CLASP1: variants seen among roughly 807,000 people sequenced by gnomAD.
CLASP1 encodes the protein cytoplasmic linker associated protein 1.
A neutral mutation model predicts 192.3 loss-of-function variants in CLASP1; 38 were observed. That is an observed-to-expected ratio of 0.20 (90% CI 0.15 to 0.26). The LOEUF (loss-of-function observed/expected upper bound fraction) is 0.26. Ranked by LOEUF, CLASP1 falls within the 10% of genes least tolerant of loss-of-function variation. CLASP1 has a pLI of 1.00. For missense variants in CLASP1, 1,433 were observed against 1,932.5 expected (o/e 0.74, Z 4.85); for synonymous variants, 691 against 712.8 (o/e 0.97, Z 0.49).
exon 40 of CLASP1, chr2:121,340,854 A>T (rs752539763): frequency 6.2e-7 from 1 of 1,607,878 alleles, no homozygotes; most frequent in Non-Finnish European, 8.5e-7. Flanking sequence ...AGAGACAGGT[A>T]CTGCCATTAG....
In CLASP1 at chr2:121,513,288, G is replaced by A. The variant is rs2094192453; in HGVS notation, c.644+2377C>T. On this transcript the variant is annotated intron_variant, in intron 7 of 39. Transcript: ENST00000263710. ...GTGTATGCCAAAGTGTCACAATATG[G>A]ATGTGAAGGGTGTGGGTCCATTTCC... Among the ~76,000 whole-genome samples the A allele has an allele frequency of 2.0e-5, 3 of 152,202 alleles. No individual in the cohort carries two copies. In the South Asian group the frequency reaches 6.2e-4, roughly 32 times the overall value.
At chr2:121,386,308 G>C (rs1180782436) in intron 32 of CLASP1, among the ~76,000 whole-genome samples, 3 of 152,186 alleles carry the variant, frequency 2.0e-5, no homozygotes, top group Admixed American at 6.5e-5. Flanking sequence ...TTACTGGTTT[G>C]TATTGTTAGT....
intron 1 of CLASP1, among the ~76,000 whole-genome samples, chr2:121,635,401 G>C (rs910125114): frequency 1.3e-5 from 2 of 151,936 alleles, no homozygotes; most frequent in Non-Finnish European, 2.9e-5. Context: ...TTCTAAAAAA[G>C]ACAATAGATG....
chr2:121,641,246 C>G (rs925285207), intron 1 of CLASP1, among the ~76,000 whole-genome samples: 1 of 151,534 alleles, frequency 6.6e-6, no homozygotes, highest in Non-Finnish European at 1.5e-5. Context: ...AGGAAAGACA[C>G]AGTCTATGAA....
At chr2:121,583,267 A>G (rs2061404294) in intron 2 of CLASP1, among the ~76,000 whole-genome samples, 1 of 152,150 alleles carries the variant, frequency 6.6e-6, no homozygotes, top group Admixed American at 6.6e-5. Flanking sequence ...TATTTTTCTT[A>G]CCATACTCCC....
intron 16 of CLASP1, among the ~76,000 whole-genome samples, chr2:121,449,784 A>G (rs1443502721): frequency 6.6e-6 from 1 of 152,258 alleles, no homozygotes; most frequent in Admixed American, 6.5e-5. Flanking sequence ...AACAAGTGAA[A>G]TATAATTTAA....
intron 23 of CLASP1, among the ~76,000 whole-genome samples, chr2:121,412,345 G>C (rs2077853868): frequency 6.6e-6 from 1 of 151,970 alleles, no homozygotes; most frequent in African/African-American, 2.4e-5. Context: ...TGTTTAAAAG[G>C]TAATGTGCCA....
intron 1 of CLASP1, among the ~76,000 whole-genome samples, chr2:121,632,495 T>C (rs1232420691): frequency 2.0e-5 from 3 of 151,742 alleles, no homozygotes; most frequent in Non-Finnish European, 4.4e-5. Context: ...AATCATGATA[T>C]GCCATGCAAC....
At chr2:121,439,628 A>G (rs2082923719) in intron 19 of CLASP1, among the ~76,000 whole-genome samples, 1 of 151,918 alleles carries the variant, frequency 6.6e-6, no homozygotes, top group Admixed American at 6.6e-5. Flanking sequence ...CATATAGTTG[A>G]GCGGTTTTGA....
chr2:121,415,360 C>T (rs1479189212), intron 23 of CLASP1, among the ~76,000 whole-genome samples: 1 of 152,144 alleles, frequency 6.6e-6, no homozygotes, highest in Admixed American at 6.5e-5. Context: ...TATAAAGCAA[C>T]TTAAACATTG....
chr2:121,484,405 G>A (rs2092829676), intron 8 of CLASP1, among the ~76,000 whole-genome samples: 1 of 152,146 alleles, frequency 6.6e-6, no homozygotes, highest in South Asian at 2.1e-4. Context: ...ACCATTGTGT[G>A]AGAAATTTCA....
intron 38 of CLASP1, 58 bp from the exon 40 acceptor site, chr2:121,347,212 C>A: frequency 1.7e-6 from 2 of 1,176,252 alleles, no homozygotes; most frequent in Non-Finnish European, 2.5e-6. Context: ...ATTCCATAGC[C>A]AACATCTCAT....
chr2:121,556,140 C>T (rs1004830119), intron 2 of CLASP1, among the ~76,000 whole-genome samples: 10 of 151,762 alleles, frequency 6.6e-5, no homozygotes, highest in African/African-American at 1.9e-4. Flanking sequence ...CACACCACCA[C>T]GCCTAGCTAA....
At chr2:121,472,315 A>G (rs1434757855) in intron 8 of CLASP1, among the ~76,000 whole-genome samples, 1 of 152,204 alleles carries the variant, frequency 6.6e-6, no homozygotes, top group African/African-American at 2.4e-5. Flanking sequence ...GGATGACTTA[A>G]CCTCTTGCAA....
chr2:121,478,948 C>CACCACACACACA (rs2092277056), intron 8 of CLASP1, among the ~76,000 whole-genome samples: 2 of 92,750 alleles, frequency 2.2e-5, no homozygotes, highest in Non-Finnish European at 4.4e-5. Flanking sequence ...CCCACACACA[C>CACCACACACACA]ACCACACACA....
In CLASP1 at chr2:121,531,003, G is replaced by C; in HGVS notation, c.196-678C>G. Reference sequence around the variant, plus strand: ...TTGCTTTATTTTGGTGCAATTTTTGGAAAAATGAAAACCTGTTTTCATAGA... The same window carrying C: ...TTGCTTTATTTTGGTGCAATTTTTGCAAAAATGAAAACCTGTTTTCATAGA... On this transcript the variant is annotated intron_variant, in intron 2 of 39. Transcript: ENST00000263710. The C allele has an allele frequency of 2.9e-6, 2 of 700,188 alleles. No homozygotes were observed. The highest frequency in any genetic ancestry group is 5.4e-5 in the East Asian group (2 of 37,276). 43.4% of individuals were successfully genotyped at this position (700,188 alleles called of 1,614,324 possible).
exon 9 of CLASP1, chr2:121,469,875 A>T (rs2090359783): frequency 6.2e-7 from 1 of 1,613,952 alleles, no homozygotes; most frequent in Middle Eastern, 1.6e-4. Flanking sequence ...CGTTTCTCCG[A>T]GAACTTGGTG....
intron 21 of CLASP1, 63 bp downstream of exon 21, chr2:121,427,341 T>A (rs2080589087): frequency 4.5e-6 from 7 of 1,569,336 alleles, no homozygotes; most frequent in Non-Finnish European, 6.1e-6. Flanking sequence ...GCAAGGAACA[T>A]GGGGTCGGGG....
intron 19 of CLASP1, among the ~76,000 whole-genome samples, chr2:121,436,823 T>C (rs775481667): frequency 6.6e-6 from 1 of 152,252 alleles, no homozygotes; most frequent in South Asian, 2.1e-4. Context: ...TAAATTTCTT[T>C]ACTATCTTGC....
Sources: gnomAD v4.1 joint callset for allele counts (sites outside exome capture counted in the v4.1 genomes callset) on GRCh38, gnomAD v4.1.1 for gene constraint, MANE v1.5 for transcripts, NCBI Gene and HGNC (gene_info 2026-07-23, HGNC 2026-07-21) for gene names.